The following CD200R1 variants were observed in gnomAD, a reference collection of about 807,000 sequenced individuals.
CD200R1 encodes CD200 receptor 1, also known as cell surface glycoprotein CD200 receptor 1.
Under a neutral mutation model 38.1 loss-of-function variants are expected in CD200R1, and 30 were observed. The observed-to-expected ratio is 0.79, with a 90% CI of 0.59 to 1.07. The LOEUF is 1.07. Among genes scored for constraint, CD200R1 ranks in the 50% least tolerant of loss-of-function variants. CD200R1 has a pLI of 0.00. For synonymous variants in CD200R1, 128 were observed against 152.1 expected (o/e 0.84, Z 1.16); for missense variants, 372 against 415.4 (o/e 0.90, Z 0.91).
intron 6 of CD200R1, 33 bp from the exon 7 acceptor site, chr3:112,924,568 G>C: frequency 1.8e-6 from 2 of 1,114,968 alleles, no homozygotes; most frequent in Non-Finnish European, 2.3e-6. Flanking sequence ...AGTGAATGGA[G>C]GAAACATCAT....
intron 5 of CD200R1, 112 bp downstream of exon 5, chr3:112,928,704 T>C (rs1940336988): frequency 1.3e-6 from 1 of 780,024 alleles, no homozygotes; most frequent in Admixed American, 2.8e-5. Flanking sequence ...GAGATAAAAA[T>C]GAAGAGTGGG....
In CD200R1 at chr3:112,923,482, A is replaced by C. The variant is rs1940215713; in HGVS notation, c.*195T>G. Reference sequence around the variant, plus strand: ...TTGTAATAACATCAGTTCTTCAGAGAACTAGCTGGTAGCAGCTAAGAATCA... The same window carrying C: ...TTGTAATAACATCAGTTCTTCAGAGCACTAGCTGGTAGCAGCTAAGAATCA... On this transcript the variant is annotated 3_prime_UTR_variant, in exon 8 of 8. Transcript: ENST00000308611. The C allele has an allele frequency of 7.6e-6, 3 of 393,748 alleles. No individual in the cohort carries two copies. Among genetic ancestry groups the C allele is most frequent in the Non-Finnish European group, 1.4e-5 (3 of 221,112 alleles). 24.4% of individuals were successfully genotyped at this position (393,748 alleles called of 1,614,324 possible).
At chr3:112,939,955 A>ATT (rs1940687338) in intron 2 of CD200R1, among the ~76,000 whole-genome samples, 4 of 151,828 alleles carry the variant, frequency 2.6e-5, no homozygotes, top group African/African-American at 9.7e-5. Context: ...ACAGCATGGT[A>ATT]CTGGCATAAA....
At chr3:112,954,807 T>C (rs140941599) in intron 1 of CD200R1, among the ~76,000 whole-genome samples, 6 of 152,302 alleles carry the variant, frequency 3.9e-5, no homozygotes, top group African/African-American at 1.2e-4. Flanking sequence ...CATAATAAAC[T>C]AGTAAACATA....
At chr3:112,933,230 C>G (rs1307518097) in intron 2 of CD200R1, among the ~76,000 whole-genome samples, 2 of 152,222 alleles carry the variant, frequency 1.3e-5, no homozygotes, top group Non-Finnish European at 2.9e-5. Context: ...GGGTCCACCC[C>G]TAGCAGACAT....
rs937865586 is a variant in CD200R1, at chr3:112,922,989, T to A, written c.*688A>T. On this transcript the variant is annotated 3_prime_UTR_variant, in exon 8 of 8. Transcript: ENST00000308611. ...AAAGAGATATATGCACAAGAAACAT[T>A]CTATGTGGTATTGTTTATACCACAA... 8.6e-5 allele frequency: 13 copies of A among 151,988 alleles called. No homozygotes were observed. The highest frequency in any genetic ancestry group is 3.1e-4 in the African/African-American group (13 of 41,550). 9.4% of individuals were successfully genotyped at this position (151,988 alleles called of 1,614,324 possible). A position where few individuals can be genotyped will look rare whatever the true frequency, so the allele number is the denominator to read the frequency against.
In CD200R1 at chr3:112,922,567, A is replaced by G. The variant is rs1647056477; in HGVS notation, c.*1110T>C. On this transcript the variant is annotated 3_prime_UTR_variant, in exon 8 of 8. Transcript: ENST00000308611. Reference sequence around the variant, plus strand: ...GTACACCATAAAAATACACAATTCCAATGTAGCACATCTGCAAAACTGTTA... The same window carrying G: ...GTACACCATAAAAATACACAATTCCGATGTAGCACATCTGCAAAACTGTTA... 1 of 152,014 alleles carries G rather than the reference A, an allele frequency of 6.6e-6. No homozygotes were observed. The allele number at this position is 152,014 out of a possible 1,614,324, so 9.4% of individuals were successfully genotyped here.
rs1318709202 is a variant in CD200R1, at chr3:112,922,993, T to C, written c.*684A>G. 6.6e-6 allele frequency: 1 copy of C among 151,968 alleles called. No homozygotes were observed. Among genetic ancestry groups the C allele is most frequent in the Non-Finnish European group, 1.5e-5 (1 of 67,882 alleles). 9.4% of individuals were successfully genotyped at this position (151,968 alleles called of 1,614,324 possible). Reference sequence around the variant, plus strand: ...AGATATATGCACAAGAAACATTCTATGTGGTATTGTTTATACCACAAACAA... The same window carrying C: ...AGATATATGCACAAGAAACATTCTACGTGGTATTGTTTATACCACAAACAA... On this transcript the variant is annotated 3_prime_UTR_variant, in exon 8 of 8. Transcript: ENST00000308611.
intron 4 of CD200R1, 60 bp downstream of exon 4, chr3:112,929,130 A>G (rs1489288233): frequency 6.2e-7 from 1 of 1,612,234 alleles, no homozygotes; most frequent in Admixed American, 1.7e-5. Context: ...ATTCAGAGAG[A>G]CATTTGTTTC....
intron 1 of CD200R1, among the ~76,000 whole-genome samples, chr3:112,973,886 C>T (rs1933369415): frequency 6.6e-6 from 1 of 152,150 alleles, no homozygotes; most frequent in African/African-American, 2.4e-5. Context: ...CCCACAGTGG[C>T]CCAAGTTCTC....
intron 5 of CD200R1, among the ~76,000 whole-genome samples, chr3:112,926,073 G>T (rs1576124765): frequency 6.6e-6 from 1 of 152,056 alleles, no homozygotes; most frequent in African/African-American, 2.4e-5. Flanking sequence ...GAAGATACTT[G>T]GAAAAGTAAC....
At chr3:112,924,404 A>C (rs1009156359) in intron 7 of CD200R1, 86 bp downstream of exon 7, 180 of 1,038,804 alleles carry the variant, frequency 1.7e-4, no homozygotes, top group Non-Finnish European at 2.2e-4. Context: ...CTGAAACACT[A>C]ATATTGATAC....
chr3:112,974,281 T>A (rs1346749006), intron 1 of CD200R1, among the ~76,000 whole-genome samples: 2 of 151,890 alleles, frequency 1.3e-5, no homozygotes, highest in Non-Finnish European at 2.9e-5. Context: ...ACCAAAAATT[T>A]TAAAAATTAG....
intron 1 of CD200R1, among the ~76,000 whole-genome samples, chr3:112,967,232 C>A (rs538833121): frequency 2.0e-5 from 3 of 152,210 alleles, no homozygotes; most frequent in African/African-American, 7.2e-5. Flanking sequence ...GCTCCTTAAC[C>A]CCTTGAACTT....
At chr3:112,947,826 C>T (rs1414601036) in intron 2 of CD200R1, 30 bp downstream of exon 2, 9 of 1,485,000 alleles carry the variant, frequency 6.1e-6, no homozygotes, top group East Asian at 2.3e-5. Context: ...CACTCCCCTA[C>T]TAGAATTATT....
At chr3:112,934,704 C>T (rs1435599097) in intron 2 of CD200R1, among the ~76,000 whole-genome samples, 2 of 152,048 alleles carry the variant, frequency 1.3e-5, no homozygotes, top group Non-Finnish European at 2.9e-5. Context: ...GTGGCGGGCA[C>T]CTGTAATCCC....
intron 2 of CD200R1, among the ~76,000 whole-genome samples, chr3:112,932,418 C>T (rs961792141): frequency 6.6e-6 from 1 of 152,110 alleles, no homozygotes; most frequent in Non-Finnish European, 1.5e-5. Flanking sequence ...CATGCCCTCT[C>T]CTGAAGGGGA....
intron 2 of CD200R1, among the ~76,000 whole-genome samples, chr3:112,933,795 TA>T (rs892846470): frequency 6.6e-6 from 1 of 151,806 alleles, no homozygotes; most frequent in East Asian, 1.9e-4. Flanking sequence ...ATAGCTATCA[TA>T]AAAAAAGAGA....
At chr3:112,966,401 A>G (rs1423499112) in intron 1 of CD200R1, among the ~76,000 whole-genome samples, 1 of 152,224 alleles carries the variant, frequency 6.6e-6, no homozygotes, top group African/African-American at 2.4e-5. Flanking sequence ...CCTGGGGAAC[A>G]ACTAGGGAAG....
Sources: allele counts gnomAD v4.1 joint callset (sites outside exome capture counted in the v4.1 genomes callset), GRCh38; gene constraint gnomAD v4.1.1; transcripts MANE v1.5; gene names NCBI Gene and HGNC (gene_info 2026-07-23, HGNC 2026-07-21).